Variants in RYR3 observed in about 807,000 individuals in gnomAD.
RYR3 encodes the protein ryanodine receptor 3.
Under a neutral mutation model 584.3 loss-of-function variants are expected in RYR3, and 207 were observed. The observed-to-expected ratio is 0.35, with a 90% CI of 0.32 to 0.40. The LOEUF (loss-of-function observed/expected upper bound fraction) is 0.40. RYR3 is among the 10% of genes least tolerant of loss of function. RYR3 has a pLI of 1.00. For synonymous variants in RYR3, 2,416 were observed against 2,248.5 expected, an observed-to-expected ratio of 1.07 and a Z score of -2.11; for missense variants, 5,616 against 6,089.2, an observed-to-expected ratio of 0.92 and a Z score of 2.59.
chr15:33,470,509 G>A (rs960013030), intron 1 of RYR3, among the ~76,000 whole-genome samples: 2 of 152,102 alleles, frequency 1.3e-5, no homozygotes, highest in African/African-American at 4.8e-5. Flanking sequence ...GGAAATAATG[G>A]AGATGAGAGC....
chr15:33,740,349 C>T (rs1042521968), intron 51 of RYR3, among the ~76,000 whole-genome samples: 1 of 152,106 alleles, frequency 6.6e-6, no homozygotes, highest in Non-Finnish European at 1.5e-5. Flanking sequence ...GAATTAGGCT[C>T]ATATGGTTCT....
intron 3 of RYR3, among the ~76,000 whole-genome samples, chr15:33,526,498 T>G (rs767080239): frequency 6.6e-6 from 1 of 152,172 alleles, no homozygotes; most frequent in Non-Finnish European, 1.5e-5. Flanking sequence ...ATCTTCTATG[T>G]AGCATATCAC....
At chr15:33,690,100 C>T (rs554848548) in intron 38 of RYR3, among the ~76,000 whole-genome samples, 14 of 152,338 alleles carry the variant, frequency 9.2e-5, no homozygotes, top group African/African-American at 3.4e-4. Context: ...TAGTTGACAG[C>T]TCTGGTTTCC....
chr15:33,385,359 TA>T (rs1306189161), intron 1 of RYR3, among the ~76,000 whole-genome samples: 1 of 152,202 alleles, frequency 6.6e-6, no homozygotes, highest in Non-Finnish European at 1.5e-5. Context: ...AAATGGAATT[TA>T]TCTTTTTTAT....
chr15:33,764,437 G>A (rs562648965), intron 60 of RYR3, among the ~76,000 whole-genome samples: 4 of 152,210 alleles, frequency 2.6e-5, no homozygotes, highest in Admixed American at 6.5e-5. Context: ...GGAGGTGGGG[G>A]CCAAGGGGAG....
intron 15 of RYR3, among the ~76,000 whole-genome samples, chr15:33,585,648 A>G (rs777891321): frequency 6.6e-6 from 1 of 152,212 alleles, no homozygotes; most frequent in African/African-American, 2.4e-5. Flanking sequence ...CTTCTCTTGT[A>G]TCTATTTTTA....
chr15:33,587,422 G>A (rs2058912055), intron 16 of RYR3, among the ~76,000 whole-genome samples: 1 of 152,138 alleles, frequency 6.6e-6, no homozygotes, highest in Non-Finnish European at 1.5e-5. Flanking sequence ...AACACATAGT[G>A]TACTTAATAA....
chr15:33,865,427 G>A lies in RYR3; in HGVS notation c.*201G>A, dbSNP rs1477703049. 1.2e-5 allele frequency: 6 copies of A among 511,294 alleles called. No homozygotes were observed. Among genetic ancestry groups the A allele is most frequent in the Non-Finnish European group, 2.1e-5 (6 of 288,988 alleles). 31.7% of individuals were successfully genotyped at this position (511,294 alleles called of 1,614,324 possible). ...GGACATACACTGTGGGAGAGAACCTGTCAAAATGTCGAAGAAGGAAGGCGA... is the reference window on the plus strand; with the variant it reads ...GGACATACACTGTGGGAGAGAACCTATCAAAATGTCGAAGAAGGAAGGCGA... On this transcript the variant is annotated 3_prime_UTR_variant, in exon 104 of 104. Transcript: ENST00000634891.
At chr15:33,398,673 G>A (rs145681412) in intron 1 of RYR3, among the ~76,000 whole-genome samples, 12 of 152,316 alleles carry the variant, frequency 7.9e-5, no homozygotes, top group Middle Eastern at 3.4e-3. Context: ...TGGAGCTTTG[G>A]TCTCCTCTTG....
intron 23 of RYR3, among the ~76,000 whole-genome samples, chr15:33,632,279 A>G (rs2061306636): frequency 6.6e-6 from 1 of 152,194 alleles, no homozygotes; most frequent in South Asian, 2.1e-4. Context: ...CCACATGGCC[A>G]TGACAATCTG....
intron 70 of RYR3, among the ~76,000 whole-genome samples, chr15:33,808,515 CTGTG>C (rs1225965457): frequency 1.3e-5 from 2 of 152,170 alleles, no homozygotes; most frequent in East Asian, 3.8e-4. Context: ...CGATTGCATA[CTGTG>C]TATTACCATT....
intron 1 of RYR3, among the ~76,000 whole-genome samples, chr15:33,449,672 A>T (rs1274835560): frequency 6.6e-6 from 1 of 152,172 alleles, no homozygotes; most frequent in Non-Finnish European, 1.5e-5. Context: ...CCATAATGAA[A>T]CCTGAAAGAA....
chr15:33,813,586 A>G lies in RYR3; in HGVS notation c.10502+7A>G. 1 of 1,611,476 alleles carries G rather than the reference A, an allele frequency of 6.2e-7. No individual in the cohort carries two copies. The highest frequency in any genetic ancestry group is 8.5e-7 in the Non-Finnish European group (1 of 1,177,702). ...CTCTCTACAACCTGCCCAGGCAAGTATTTTGTCTTTTTTCCTGGCATGTAA... is the reference window on the plus strand; with the variant it reads ...CTCTCTACAACCTGCCCAGGCAAGTGTTTTGTCTTTTTTCCTGGCATGTAA... On this transcript the variant is annotated splice_region_variant and intron_variant, in intron 74 of 103. Coordinates refer to ENST00000634891, the MANE Select transcript of RYR3 (RefSeq NM_001036.6).
chr15:33,385,200 G>A (rs945815208), intron 1 of RYR3, among the ~76,000 whole-genome samples: 1 of 152,074 alleles, frequency 6.6e-6, no homozygotes, highest in Non-Finnish European at 1.5e-5. Context: ...GAGATGCTGC[G>A]TGATTAGTTA....
intron 1 of RYR3, among the ~76,000 whole-genome samples, chr15:33,381,536 C>T (rs1410814183): frequency 6.6e-6 from 1 of 152,218 alleles, no homozygotes; most frequent in Admixed American, 6.5e-5. Context: ...AGCATCCCTT[C>T]CTCCAGGTGT....
At chr15:33,465,723 CAAG>C (rs762411268) in intron 1 of RYR3, 5 of 518,834 alleles carry the variant, frequency 9.6e-6, no homozygotes, top group Admixed American at 1.9e-5. Flanking sequence ...ATAGTTGTGA[CAAG>C]AGATGATGGC....
intron 4 of RYR3, 63 bp from the exon 5 acceptor site, chr15:33,533,248 T>C (rs2055033229): frequency 9.0e-7 from 1 of 1,116,302 alleles, no homozygotes; most frequent in African/African-American, 1.5e-5. Context: ...AGCTAACTAG[T>C]GGTAAGATAC....
chr15:33,396,646 G>C (rs1043750273), intron 1 of RYR3, among the ~76,000 whole-genome samples: 2 of 152,182 alleles, frequency 1.3e-5, no homozygotes, highest in Admixed American at 1.3e-4. Flanking sequence ...TAATGCATGA[G>C]TGAAACAGGC....
At chr15:33,589,922 C>T (rs1440379898) in intron 16 of RYR3, among the ~76,000 whole-genome samples, 1 of 152,070 alleles carries the variant, frequency 6.6e-6, no homozygotes, top group Non-Finnish European at 1.5e-5. Context: ...GTGAAGAGAC[C>T]ACCAAACAGG....
Sources: gnomAD v4.1 joint callset for allele counts (sites outside exome capture counted in the v4.1 genomes callset) on GRCh38, gnomAD v4.1.1 for gene constraint, MANE v1.5 for transcripts, NCBI Gene and HGNC (gene_info 2026-07-23, HGNC 2026-07-21) for gene names.